The following TM7SF2 variants were observed in gnomAD, a reference collection of about 807,000 sequenced individuals.
The protein encoded by TM7SF2 is delta(14)-sterol reductase TM7SF2.
In TM7SF2, 51 loss-of-function variants were observed where a neutral mutation model predicts 51.0. The ratio of observed to expected loss-of-function variants is 1.00; its 90% CI spans 0.80 to 1.26. The LOEUF (loss-of-function observed/expected upper bound fraction) is 1.26. Ranked by LOEUF, TM7SF2 falls within the 50% of genes most tolerant of loss-of-function variation. The pLI, the probability that TM7SF2 is intolerant of heterozygous loss-of-function variation, is 0.00. For synonymous variants in TM7SF2, 255 were observed against 241.0 expected (o/e 1.06, Z -0.54); for missense variants, 541 against 547.4 (o/e 0.99, Z 0.12).
In TM7SF2 at chr11:65,113,389, G is replaced by C. The variant is rs764697529; in HGVS notation, c.474G>C (p.Ser158=). ...TGAAGGCGCAGGTAGCCCCAGTTTC[G>C]GCCCTGGCACCTGGGGGGAACTCAG... is the stretch of plus-strand genomic sequence containing the variant. ...LYMKAQVAPV[S]ALAPGGNSGN... is the part of the protein sequence containing the mutation. Residue 158 remains serine (S), a synonymous_variant, in exon 4 of 10, where the codon TCG becomes TCC. Coordinates refer to ENST00000279263, the MANE Select transcript of TM7SF2 (RefSeq NM_003273.6). 3 of 1,614,138 alleles carry C rather than the reference G, an allele frequency of 1.9e-6. No individual in the cohort carries two copies. In the South Asian group the frequency reaches 3.3e-5, roughly 18 times the overall value.
rs998375658 is a variant in TM7SF2 at position 65,112,482 on chromosome 11, G to A, written c.53-33G>A. 2.7e-6 allele frequency: 4 copies of A among 1,491,988 alleles called. No homozygotes were observed. The Admixed American group carries it at 6.6e-5, about 25-fold the overall frequency. 92.4% of individuals were successfully genotyped at this position (1,491,988 alleles called of 1,614,324 possible). ...GCCGGCGGGGAGCTGGGGGGCTAGG[G>A]GCGGACGCCCGACGTGATGGCCCTT... is the stretch of plus-strand genomic sequence containing the variant. On this transcript the variant is annotated intron_variant, in intron 1 of 9. Transcript: ENST00000279263.
chr11:65,115,537 G>A lies in TM7SF2; in HGVS notation c.1035G>A (p.Met345Ile). 1.2e-6 allele frequency: 2 copies of A among 1,614,108 alleles called. No homozygotes were observed. The highest frequency in any genetic ancestry group is 1.7e-6 in the Non-Finnish European group (2 of 1,180,016). ...TGCTGGTGTCTGGGTGGTGGGGTAT[G>A]GTCCGCCATCCCAACTATCTTGGAG... ...RKLLVSGWWG[M>I]VRHPNYLGDL... Residue 345 changes from methionine to isoleucine, a missense_variant, in exon 9 of 10, where the codon ATG becomes ATA. Met to Ile is a conservative substitution (Grantham distance 10). Coordinates refer to ENST00000279263, the MANE Select transcript of TM7SF2 (RefSeq NM_003273.6).
At position 65,115,894 on chromosome 11, in the gene TM7SF2, G is replaced by A. The variant is rs1947975741; in HGVS notation, c.1098G>A (p.Gly366=). The change falls in exon 10 of 10, where the codon GGG becomes GGA. Residue 366 remains glycine, a splice_region_variant and synonymous_variant. Coordinates refer to ENST00000279263, the MANE Select transcript of TM7SF2 (RefSeq NM_003273.6). The part of the protein sequence containing the change: ...IMALAWSLPC[G]VSHLLPYFYL... The stretch of plus-strand genomic sequence containing the variant: ...GTCACAGAGCCTCCTTCTCTACAGG[G>A]GTGTCACACCTGCTGCCCTACTTCT... 1.9e-6 allele frequency: 3 copies of A among 1,614,048 alleles called. No homozygotes were observed. The highest frequency in any genetic ancestry group is 2.5e-6 in the Non-Finnish European group (3 of 1,179,996).
rs766413625 is a variant in TM7SF2, at chr11:65,114,929, C to T, written c.740C>T (p.Thr247Ile). ...TCCCTGCAGGAGGCCGTCCTCACCA[C>T]CATGGATATCACACATGACGGGTTT... ...ALWHEEAVLT[T>I]MDITHDGFGF... is the part of the protein sequence containing the mutation. Residue 247 changes from threonine to isoleucine, a missense_variant, in exon 7 of 10, where the codon ACC becomes ATC. Transcript: ENST00000279263. The T allele has an allele frequency of 3.8e-5, 61 of 1,614,088 alleles. No homozygotes were observed.
At chr11:65,112,114 A>C (rs1409103957) in intron 1 of TM7SF2, 47 bp downstream of exon 1, 1 of 1,555,908 alleles carries the variant, frequency 6.4e-7, no homozygotes. Flanking sequence ...TAAGCGAAGG[A>C]GAGCTGGAGC....
Position 65,115,070 on chromosome 11 carries a change from G to A in TM7SF2, c.881G>A (p.Cys294Tyr). 3 of 1,613,594 alleles carry A rather than the reference G, an allele frequency of 1.9e-6. No individual in the cohort carries two copies. The highest frequency in any genetic ancestry group is 2.7e-5 in the African/African-American group (2 of 75,044). ...PLGLPMASVI[C>Y]LINATGYYIF... The stretch of plus-strand genomic sequence containing the variant: ...GGGTTGCCCATGGCCTCTGTCATCT[G>A]CCTCATCAATGGTCAGTCAGGAAGG... The change falls in exon 7 of 10, where the codon TGC (cysteine) becomes TAC (tyrosine). Residue 294 changes from cysteine (C) to tyrosine (Y), a missense_variant. Transcript: ENST00000279263.
rs775000437 is a variant in TM7SF2 at position 65,113,400 on chromosome 11, C to T, written c.485C>T (p.Pro162Leu). 3.1e-6 allele frequency: 5 copies of T among 1,614,202 alleles called. No individual in the cohort carries two copies. The highest frequency in any genetic ancestry group is 2.2e-5 in the East Asian group (1 of 44,884). Residue 162 changes from proline to leucine, a missense_variant, in exon 4 of 10, where the codon CCT becomes CTT. Pro to Leu is a moderately conservative substitution (Grantham distance 98). Coordinates refer to ENST00000279263, the MANE Select transcript of TM7SF2 (RefSeq NM_003273.6). ...AQVAPVSALA[P>L]GGNSGNPIYD... is the part of the protein sequence containing the mutation. ...GTAGCCCCAGTTTCGGCCCTGGCAC[C>T]TGGGGGGAACTCAGGTGAGAGGGGT...
rs975032673 is a variant in TM7SF2, at chr11:65,116,040, C to T, written c.1244C>T (p.Pro415Leu). ...YCRRVPYRIM[P>L]YIY is the part of the protein sequence containing the mutation. ...CGGCGTGTGCCTTACCGCATCATGC[C>T]CTACATCTACTGAAGCGGCTCCACC... The change falls in exon 10 of 10, where the codon CCC (proline) becomes CTC (leucine). Residue 415 changes from proline (P) to leucine (L), a missense_variant. Pro to Leu is a moderately conservative substitution (Grantham distance 98). Transcript: ENST00000279263. The T allele has an allele frequency of 1.2e-5, 20 of 1,607,512 alleles. No homozygotes were observed. Among genetic ancestry groups the T allele is most frequent in the Non-Finnish European group, 1.7e-5 (20 of 1,179,010 alleles).
intron 7 of TM7SF2, 51 bp from the exon 8 acceptor site, chr11:65,115,263 C>T: frequency 6.2e-7 from 1 of 1,602,516 alleles, no homozygotes; most frequent in Non-Finnish European, 8.5e-7. Context: ...CGGGGTCAGG[C>T]AGGAGGCTGC....
chr11:65,115,741 CTG>C, intron 9 of TM7SF2, 143 bp downstream of exon 9: 2 of 1,553,410 alleles, frequency 1.3e-6, no homozygotes, highest in Non-Finnish European at 1.8e-6. Flanking sequence ...GGGCACACCT[CTG>C]TGCCAACCTA....
rs1366505204 is a variant in TM7SF2, at chr11:65,115,138, T to C, written c.892+57T>C. ...ATCTTCCCCCTATCCCTTTGATTCATGCTCTGTTTACACGCACCACCACAT... is the reference window on the plus strand; with the variant it reads ...ATCTTCCCCCTATCCCTTTGATTCACGCTCTGTTTACACGCACCACCACAT... On this transcript the variant is annotated intron_variant, in intron 7 of 9. Coordinates refer to ENST00000279263, the MANE Select transcript of TM7SF2 (RefSeq NM_003273.6). 14 of 1,602,908 alleles carry C rather than the reference T, an allele frequency of 8.7e-6. No individual in the cohort carries two copies. The African/African-American group carries it at 1.6e-4, about 18-fold the overall frequency.
At chr11:65,115,674 T>G in intron 9 of TM7SF2, 76 bp downstream of exon 9, 8 of 1,609,940 alleles carry the variant, frequency 5.0e-6, no homozygotes, top group Non-Finnish European at 5.9e-6. Context: ...ATGCCTACTT[T>G]GGGTATGCAC....
At chr11:65,114,870 C>T (rs922505214) in intron 6 of TM7SF2, 38 bp downstream of exon 6, 23 of 1,614,016 alleles carry the variant, frequency 1.4e-5, no homozygotes, top group African/African-American at 2.7e-5. Context: ...GTCTGAGGGC[C>T]GCATAGGGAC....
In TM7SF2 at chr11:65,115,362, T is replaced by C; in HGVS notation, c.941T>C (p.Phe314Ser). The change falls in exon 8 of 10, where the codon TTC (phenylalanine) becomes TCC (serine). Residue 314 changes from phenylalanine (F) to serine (S), a missense_variant. Coordinates refer to ENST00000279263, the MANE Select transcript of TM7SF2 (RefSeq NM_003273.6). ...FRGANSQKNT[F>S]RKNPSDPRVA... Reference sequence around the variant, plus strand: ...GGGGCGAATTCCCAGAAAAACACTTTCCGAAAGAATCCTTCTGACCCCAGA... The same window carrying C: ...GGGGCGAATTCCCAGAAAAACACTTCCCGAAAGAATCCTTCTGACCCCAGA... 1.9e-6 allele frequency: 3 copies of C among 1,614,186 alleles called. No individual in the cohort carries two copies. Among genetic ancestry groups the C allele is most frequent in the Non-Finnish European group, 2.5e-6 (3 of 1,180,024 alleles).
rs758307738 is a variant in TM7SF2 at position 65,113,346 on chromosome 11, T to C, written c.431T>C (p.Phe144Ser). 1 of 1,614,078 alleles carries C rather than the reference T, an allele frequency of 6.2e-7. No individual in the cohort carries two copies. The highest frequency in any genetic ancestry group is 1.1e-5 in the South Asian group (1 of 91,086). The change falls in exon 4 of 10, where the codon TTC (phenylalanine) becomes TCC (serine). Residue 144 changes from phenylalanine to serine, a missense_variant. By Grantham distance (155) the Phe-to-Ser change is radical. Transcript: ENST00000279263. Reference protein sequence around the residue: ...AFVATLTAFIFSLFLYMKAQV... With the variant: ...AFVATLTAFISSLFLYMKAQV... ...GTCGCCACCCTCACCGCTTTCATCTTCAGCCTCTTTCTCTACATGAAGGCG... is the reference window on the plus strand; with the variant it reads ...GTCGCCACCCTCACCGCTTTCATCTCCAGCCTCTTTCTCTACATGAAGGCG...
Position 65,116,221 on chromosome 11 carries a change from G to A in TM7SF2, c.*168G>A, listed in dbSNP as rs1471056911. ...TAGAGCAAGGAAAAAAATGAAACCA[G>A]TGACCAAAATCGGAGATGCTCTTCC... On this transcript the variant is annotated 3_prime_UTR_variant, in exon 10 of 10. Transcript: ENST00000279263. 5.0e-6 allele frequency: 6 copies of A among 1,196,754 alleles called. No homozygotes were observed. The highest frequency in any genetic ancestry group is 2.3e-6 in the Non-Finnish European group (2 of 877,576). The allele number at this position is 1,196,754 out of a possible 1,614,324, so 74.1% of individuals were successfully genotyped here. A position where few individuals can be genotyped will look rare whatever the true frequency, so the allele number is the denominator to read the frequency against.
chr11:65,113,412 C>T lies in TM7SF2; in HGVS notation c.497C>T (p.Ser166Leu), dbSNP rs1947937239. The T allele has an allele frequency of 6.2e-7, 1 of 1,614,200 alleles. No homozygotes were observed. The highest frequency in any genetic ancestry group is 2.2e-5 in the East Asian group (1 of 44,886). ...TCGGCCCTGGCACCTGGGGGGAACT[C>T]AGGTGAGAGGGGTCCTGGGGTGGAG... ...PVSALAPGGN[S>L]GNPIYDFFLG... Residue 166 changes from serine (S) to leucine (L), a missense_variant and splice_region_variant, in exon 4 of 10, where the codon TCA (serine) becomes TTA (leucine). Ser to Leu is a moderately radical substitution (Grantham distance 145). Transcript: ENST00000279263.
chr11:65,115,991 G>T lies in TM7SF2; in HGVS notation c.1195G>T (p.Gly399Cys). 6.2e-7 allele frequency: 1 copy of T among 1,613,084 alleles called. No homozygotes were observed. Among genetic ancestry groups the T allele is most frequent in the East Asian group, 2.2e-5 (1 of 44,892 alleles). ...TGAGCGGCAGTGCCTGCAGAAGTAC[G>T]GCCTGGCCTGGCAGGAGTACTGCCG... ...RDERQCLQKY[G>C]LAWQEYCRRV... The change falls in exon 10 of 10, where the codon GGC becomes TGC. Residue 399 changes from glycine (G) to cysteine (C), a missense_variant. Coordinates refer to ENST00000279263, the MANE Select transcript of TM7SF2 (RefSeq NM_003273.6).
intron 5 of TM7SF2, among the ~76,000 whole-genome samples, chr11:65,114,251 A>G (rs1947948018): frequency 6.6e-6 from 1 of 152,218 alleles, no homozygotes; most frequent in Non-Finnish European, 1.5e-5. Flanking sequence ...GGTAATCTTT[A>G]TGATAGAACA....
Sources: allele counts gnomAD v4.1 joint callset (sites outside exome capture counted in the v4.1 genomes callset), GRCh38; gene constraint gnomAD v4.1.1; transcripts MANE v1.5; gene names NCBI Gene and HGNC (gene_info 2026-07-23, HGNC 2026-07-21).